The following PTPRM variants were observed in gnomAD, a reference collection of about 807,000 sequenced individuals.
PTPRM encodes protein tyrosine phosphatase receptor type M, also known as receptor-type tyrosine-protein phosphatase mu.
In PTPRM, 47 loss-of-function variants were observed where a neutral mutation model predicts 186.7. The observed-to-expected ratio is 0.25, with a 90% CI of 0.20 to 0.32. The LOEUF (loss-of-function observed/expected upper bound fraction) is 0.32. PTPRM is among the 10% of genes least tolerant of loss of function. PTPRM has a pLI of 1.00. For missense variants in PTPRM, 1,494 were observed against 1,865.0 expected (o/e 0.80, Z 3.66); for synonymous variants, 668 against 674.9 (o/e 0.99, Z 0.16).
chr18:8,373,915 C>T (rs1282912558), intron 24 of PTPRM, among the ~76,000 whole-genome samples: 1 of 151,908 alleles, frequency 6.6e-6, no homozygotes, highest in African/African-American at 2.4e-5. Flanking sequence ...AAGTGACTCT[C>T]ACATTTTTGT....
At chr18:7,903,665 A>C (rs1449569795) in intron 3 of PTPRM, among the ~76,000 whole-genome samples, 5 of 152,210 alleles carry the variant, frequency 3.3e-5, no homozygotes, top group Non-Finnish European at 4.4e-5. Flanking sequence ...ACTTACGAAC[A>C]GGATGAAGTT....
chr18:7,884,096 G>A (rs28444234), intron 2 of PTPRM, among the ~76,000 whole-genome samples: 12,201 of 152,182 alleles, frequency 0.08, 631 homozygotes, highest in African/African-American at 0.15. Flanking sequence ...GCTATGAGCC[G>A]TGACTCTGCC....
chr18:8,354,691 G>A (rs138007002), intron 23 of PTPRM, among the ~76,000 whole-genome samples: 2 of 152,326 alleles, frequency 1.3e-5, no homozygotes, highest in East Asian at 1.9e-4. Context: ...GGTCTGTCCA[G>A]TTCCAAAGCC....
chr18:8,366,626 T>C (rs1266283415), intron 23 of PTPRM, among the ~76,000 whole-genome samples: 3 of 152,240 alleles, frequency 2.0e-5, no homozygotes, highest in African/African-American at 2.4e-5. Flanking sequence ...CCTGGAGTTA[T>C]AGCGTTTCTG....
intron 1 of PTPRM, among the ~76,000 whole-genome samples, chr18:7,627,532 G>A (rs1243772118): frequency 6.6e-6 from 1 of 152,138 alleles, no homozygotes; most frequent in Non-Finnish European, 1.5e-5. Context: ...GGGCCTTAGG[G>A]TACATGGAAG....
intron 15 of PTPRM, 110 bp from the exon 16 acceptor site, chr18:8,247,735 C>T: frequency 2.7e-6 from 2 of 748,192 alleles, no homozygotes; most frequent in South Asian, 3.2e-5. Context: ...TCAGTGAGTC[C>T]CGGAGTCACC....
intron 4 of PTPRM, among the ~76,000 whole-genome samples, chr18:7,910,766 A>G (rs1248462832): frequency 6.6e-6 from 1 of 152,200 alleles, no homozygotes; most frequent in East Asian, 1.9e-4. Context: ...TCAATTTTTC[A>G]TCTGCCACCC....
At chr18:7,828,775 C>T (rs1335053994) in intron 2 of PTPRM, among the ~76,000 whole-genome samples, 1 of 152,120 alleles carries the variant, frequency 6.6e-6, no homozygotes. Flanking sequence ...TTAGAACTAG[C>T]CCTACTGGTC....
intron 2 of PTPRM, among the ~76,000 whole-genome samples, chr18:7,792,564 A>G (rs1360162266): frequency 1.3e-5 from 2 of 152,354 alleles, no homozygotes; most frequent in East Asian, 3.9e-4. Flanking sequence ...CATTGATTAT[A>G]TGACTGACAC....
intron 14 of PTPRM, among the ~76,000 whole-genome samples, chr18:8,222,148 A>G (rs1395843136): frequency 1.3e-5 from 2 of 152,180 alleles, no homozygotes; most frequent in African/African-American, 2.4e-5. Flanking sequence ...ACCTGCTAAG[A>G]TAAGTTGTGG....
chr18:7,965,344 C>A (rs1378395434), intron 7 of PTPRM, among the ~76,000 whole-genome samples: 2 of 152,214 alleles, frequency 1.3e-5, no homozygotes, highest in Non-Finnish European at 2.9e-5. Context: ...CCTCACCCAG[C>A]CCACTCTAAC....
chr18:8,176,989 C>G (rs537336816), intron 14 of PTPRM, among the ~76,000 whole-genome samples: 11 of 152,188 alleles, frequency 7.2e-5, no homozygotes, highest in South Asian at 4.2e-4. Flanking sequence ...TTTTTCTGCC[C>G]TTTTAAAAAA....
intron 14 of PTPRM, among the ~76,000 whole-genome samples, chr18:8,214,079 GA>G: frequency 6.6e-6 from 1 of 152,278 alleles, no homozygotes; most frequent in East Asian, 1.9e-4. Context: ...AAAGCAGACA[GA>G]ATGGTATAAT....
In PTPRM at chr18:7,759,389, T is replaced by C. The variant is rs76244614; in HGVS notation, c.74-14760T>C. ...AATATATGGTGACACTTTGTTTAACTTATCCCAGCAACCACAAGTTCTTAC... is the reference window on the plus strand; with the variant it reads ...AATATATGGTGACACTTTGTTTAACCTATCCCAGCAACCACAAGTTCTTAC... On this transcript the variant is annotated intron_variant, in intron 1 of 32. Coordinates refer to ENST00000580170, the MANE Select transcript of PTPRM (RefSeq NM_001105244.2). 6.4e-3 allele frequency among the ~76,000 whole-genome samples: 980 copies of C among 152,330 alleles called. 32 individuals carry two copies. The East Asian group carries it at 0.098, about 15-fold the overall frequency.
intron 5 of PTPRM, among the ~76,000 whole-genome samples, chr18:7,948,896 AT>A (rs2052739654): frequency 6.6e-6 from 1 of 152,168 alleles, no homozygotes; most frequent in South Asian, 2.1e-4. Context: ...AGTTTTCTGT[AT>A]TTTTACTCCC....
At chr18:8,393,204 C>T (rs1012727979) in intron 31 of PTPRM, among the ~76,000 whole-genome samples, 2 of 152,204 alleles carry the variant, frequency 1.3e-5, no homozygotes, top group Admixed American at 6.5e-5. Context: ...AGTAATAAGA[C>T]AGATGGACAT....
chr18:8,088,121 A>G (rs2090525340), intron 10 of PTPRM, among the ~76,000 whole-genome samples: 1 of 152,182 alleles, frequency 6.6e-6, no homozygotes, highest in South Asian at 2.1e-4. Context: ...AGATGTATAG[A>G]AGCTCTTATG....
intron 14 of PTPRM, among the ~76,000 whole-genome samples, chr18:8,165,636 T>A (rs891806176): frequency 6.6e-6 from 1 of 152,238 alleles, no homozygotes; most frequent in Non-Finnish European, 1.5e-5. Flanking sequence ...AAGCAATATG[T>A]TCTGCTGCAT....
chr18:8,244,181 C>G lies in PTPRM; in HGVS notation c.2424C>G (p.Phe808Leu). The G allele has an allele frequency of 6.3e-7, 1 of 1,592,682 alleles. No homozygotes were observed. The highest frequency in any genetic ancestry group is 8.5e-7 in the Non-Finnish European group (1 of 1,172,474). ...QGTNCDEAFS[F>L]MDTHNLNGRS... is the part of the protein sequence containing the mutation. ...CAAACTGCGACGAGGCTTTCTCATT[C>G]ATGGACACGCACAATCTGAATGGGA... The change falls in exon 15 of 33, where the codon TTC becomes TTG. Residue 808 changes from phenylalanine (F) to leucine (L), a missense_variant. This residue lies in a region of PTPRM where 1,107 missense variants were observed against 1,350.2 expected (regional missense o/e 0.82). Coordinates refer to ENST00000580170, the MANE Select transcript of PTPRM (RefSeq NM_001105244.2).
Sources: gnomAD v4.1 joint callset for allele counts (sites outside exome capture counted in the v4.1 genomes callset) on GRCh38, gnomAD v4.1.1 for gene constraint, gnomAD v4.1.1 regional missense constraint, MANE v1.5 for transcripts, NCBI Gene and HGNC (gene_info 2026-07-23, HGNC 2026-07-21) for gene names.